The following SUMF1 variants were observed in gnomAD, a reference collection of about 807,000 sequenced individuals.
SUMF1 encodes the protein formylglycine-generating enzyme.
SUMF1 carries 48 observed loss-of-function variants against 47.6 expected under a neutral mutation model. That is an observed-to-expected ratio of 1.01 (90% CI 0.80 to 1.28). The LOEUF (loss-of-function observed/expected upper bound fraction) is 1.28. Ranked by LOEUF, SUMF1 falls within the 50% of genes most tolerant of loss-of-function variation. The pLI is 0.00. For synonymous variants in SUMF1, 230 were observed against 192.1 expected (o/e 1.20, Z -1.63); for missense variants, 571 against 485.4 (o/e 1.18, Z -1.66).
rs1699767642 is a variant in SUMF1, at chr3:4,361,825, T to G, written c.*319A>C. The G allele has an allele frequency of 2.7e-6, 1 of 374,660 alleles. No homozygotes were observed. Among genetic ancestry groups the G allele is most frequent in the South Asian group, 2.5e-5 (1 of 40,566 alleles). The allele number at this position is 374,660 out of a possible 1,614,324, so 23.2% of individuals were successfully genotyped here. A position where few individuals can be genotyped will look rare whatever the true frequency, so the allele number is the denominator to read the frequency against. On this transcript the variant is annotated 3_prime_UTR_variant, in exon 9 of 9. Transcript: ENST00000272902. ...AAGGTCAAGCGTCGGACCTGGGGTC[T>G]AACCCCTGTGGCAGAGCCTGCGTAG...
chr3:4,299,747 T>A (rs930163079), intron 8 of SUMF1, among the ~76,000 whole-genome samples: 2 of 152,008 alleles, frequency 1.3e-5, no homozygotes, highest in African/African-American at 4.8e-5. Context: ...GAGGTGGAGG[T>A]TGCAGTGAGC....
At chr3:4,035,055 A>G (rs193041036) in intron 9 of SUMF1, among the ~76,000 whole-genome samples, 2 of 152,182 alleles carry the variant, frequency 1.3e-5, no homozygotes, top group African/African-American at 4.8e-5. Flanking sequence ...GACGTCAGAA[A>G]ATCAGTCCAG....
intron 8 of SUMF1, among the ~76,000 whole-genome samples, chr3:4,073,488 C>T (rs1087826): frequency 0.36 from 55,000 of 151,890 alleles, 10,330 homozygotes; most frequent in Admixed American, 0.46. Flanking sequence ...CATAACAATA[C>T]TAACCTTAAA....
intron 8 of SUMF1, among the ~76,000 whole-genome samples, chr3:4,305,506 T>C (rs1189197668): frequency 6.6e-6 from 1 of 152,166 alleles, no homozygotes; most frequent in Non-Finnish European, 1.5e-5. Flanking sequence ...GATTATCTCC[T>C]TGTTGTGGAA....
chr3:4,263,083 A>G (rs369576704), intron 8 of SUMF1, among the ~76,000 whole-genome samples: 1 of 152,184 alleles, frequency 6.6e-6, no homozygotes, highest in Non-Finnish European at 1.5e-5. Flanking sequence ...TGGGGTAAAG[A>G]AAAAGAAAAG....
intron 9 of SUMF1, among the ~76,000 whole-genome samples, chr3:4,060,836 C>T (rs369937336): frequency 2.9e-4 from 44 of 152,268 alleles, no homozygotes; most frequent in African/African-American, 9.9e-4. Flanking sequence ...GTGTTTGGCA[C>T]ATAGTAAATA....
chr3:4,312,396 GA>G (rs1698440625), intron 8 of SUMF1, among the ~76,000 whole-genome samples: 1 of 151,854 alleles, frequency 6.6e-6, no homozygotes. Flanking sequence ...TCTGATAAGA[GA>G]AAAAAATAGT....
At chr3:4,339,045 T>C (rs1366455853) in intron 8 of SUMF1, among the ~76,000 whole-genome samples, 1 of 152,168 alleles carries the variant, frequency 6.6e-6, no homozygotes, top group Non-Finnish European at 1.5e-5. Context: ...AAACTCTTTA[T>C]TTGGGGACCT....
intron 8 of SUMF1, chr3:4,313,203 T>C: frequency 2.5e-6 from 4 of 1,613,990 alleles, no homozygotes; most frequent in Non-Finnish European, 3.4e-6. Flanking sequence ...GGGGACTTCG[T>C]ACCTTGGAAT....
At chr3:4,394,171 C>CT (rs1015768099) in intron 7 of SUMF1, among the ~76,000 whole-genome samples, 1 of 151,546 alleles carries the variant, frequency 6.6e-6, no homozygotes, top group Non-Finnish European at 1.5e-5. Context: ...TACTGAAGTG[C>CT]TTTTTTTGTG....
intron 8 of SUMF1, among the ~76,000 whole-genome samples, chr3:4,156,423 G>A (rs763422355): frequency 4.6e-5 from 7 of 151,518 alleles, no homozygotes; most frequent in Non-Finnish European, 8.8e-5. Context: ...ATGAGAGCAG[G>A]GGTTTTCTGG....
chr3:4,127,497 A>G (rs1214626475), intron 8 of SUMF1, among the ~76,000 whole-genome samples: 1 of 152,104 alleles, frequency 6.6e-6, no homozygotes, highest in Admixed American at 6.5e-5. Flanking sequence ...ATGTGAAAAG[A>G]GAGACTAGCT....
At chr3:4,244,662 G>A (rs903845022) in intron 8 of SUMF1, among the ~76,000 whole-genome samples, 1 of 152,126 alleles carries the variant, frequency 6.6e-6, no homozygotes, top group Non-Finnish European at 1.5e-5. Flanking sequence ...TGTGTAACCC[G>A]ACCTTTCTCT....
intron 8 of SUMF1, among the ~76,000 whole-genome samples, chr3:4,195,578 T>C (rs974469330): frequency 2.6e-5 from 4 of 152,254 alleles, no homozygotes; most frequent in South Asian, 2.1e-4. Context: ...TTTATTAGAA[T>C]CATTCTAGGT....
chr3:4,327,193 A>T (rs758390107), intron 8 of SUMF1, among the ~76,000 whole-genome samples: 40 of 152,220 alleles, frequency 2.6e-4, no homozygotes, highest in Non-Finnish European at 4.7e-4. Flanking sequence ...TAGAAACATT[A>T]TTTCAGTCCT....
chr3:4,408,803 T>G (rs939115664), intron 7 of SUMF1, among the ~76,000 whole-genome samples: 5 of 151,938 alleles, frequency 3.3e-5, no homozygotes, highest in Non-Finnish European at 5.9e-5. Context: ...AAACCCCGTT[T>G]CTACTAAAAA....
intron 8 of SUMF1, chr3:4,303,830 G>T: frequency 7.4e-7 from 1 of 1,357,664 alleles, no homozygotes. Context: ...CATCACGGGG[G>T]GAGTCATTTA....
intron 7 of SUMF1, among the ~76,000 whole-genome samples, chr3:4,403,062 G>T (rs2124980664): frequency 6.6e-6 from 1 of 152,322 alleles, no homozygotes; most frequent in South Asian, 2.1e-4. Flanking sequence ...CAGCAATTAG[G>T]ATGGAAGCTA....
intron 3 of SUMF1, among the ~76,000 whole-genome samples, chr3:4,444,912 T>G (rs1379485464): frequency 2.0e-5 from 3 of 151,676 alleles, no homozygotes; most frequent in Admixed American, 6.6e-5. Context: ...GGATGAGGGG[T>G]AGGGGAGGGA....
Sources: gnomAD v4.1 joint callset for allele counts (sites outside exome capture counted in the v4.1 genomes callset) on GRCh38, gnomAD v4.1.1 for gene constraint, MANE v1.5 for transcripts, NCBI Gene and HGNC (gene_info 2026-07-23, HGNC 2026-07-21) for gene names.